Variants in MRGPRF observed in about 807,000 individuals in gnomAD.
The protein encoded by MRGPRF is mas-related G protein-coupled receptor member F.
MRGPRF carries 2 observed loss-of-function variants against 3.3 expected under a neutral mutation model. That is an observed-to-expected ratio of 0.61 (90% confidence interval 0.25 to 1.92). The LOEUF is 1.92. Ranked by LOEUF, MRGPRF falls within the 40% of genes most tolerant of loss-of-function variation. MRGPRF has a pLI of 0.16. For missense variants in MRGPRF, 500 were observed against 476.0 expected, an observed-to-expected ratio of 1.05 and a Z score of -0.47; for synonymous variants, 242 against 222.7, an observed-to-expected ratio of 1.09 and a Z score of -0.77.
intron 2 of MRGPRF, among the ~76,000 whole-genome samples, chr11:69,007,136 G>A (rs1300288271): frequency 6.6e-6 from 1 of 152,206 alleles, no homozygotes; most frequent in Non-Finnish European, 1.5e-5. Context: ...TCACTATGTG[G>A]CTACGGGAAC....
Position 69,005,030 on chromosome 11 carries a change from G to A in MRGPRF, c.*248C>T, listed in dbSNP as rs1860438623. ...GCCCCACCACCTGGGGGCAACTTCT[G>A]TACAAGAGGTCTCTAGGGGAGCAGA... On this transcript the variant is annotated 3_prime_UTR_variant, in exon 3 of 3. Transcript: ENST00000309099. The A allele has an allele frequency of 2.0e-6, 1 of 495,684 alleles. No homozygotes were observed. The highest frequency in any genetic ancestry group is 3.5e-6 in the Non-Finnish European group (1 of 289,190). The allele number at this position is 495,684 out of a possible 1,614,324, so 30.7% of individuals were successfully genotyped here.
chr11:69,009,023 C>T (rs912190206), intron 2 of MRGPRF, among the ~76,000 whole-genome samples: 13 of 152,206 alleles, frequency 8.5e-5, no homozygotes, highest in African/African-American at 2.9e-4. Flanking sequence ...CTGGGAGTTT[C>T]TGCAGACTGC....
intron 1 of MRGPRF, among the ~76,000 whole-genome samples, chr11:69,011,743 C>T (rs1352365827): frequency 1.3e-5 from 2 of 152,206 alleles, no homozygotes; most frequent in African/African-American, 4.8e-5. Flanking sequence ...GGACACCCAC[C>T]ACCCCTAGGT....
intron 1 of MRGPRF, among the ~76,000 whole-genome samples, chr11:69,011,129 C>T (rs373463854): frequency 2.8e-4 from 43 of 152,180 alleles, no homozygotes; most frequent in African/African-American, 1.0e-3. Flanking sequence ...CGGCCTCAGC[C>T]AGCCACGTGC....
chr11:69,007,899 T>C (rs1860520823), intron 2 of MRGPRF, among the ~76,000 whole-genome samples: 1 of 152,162 alleles, frequency 6.6e-6, no homozygotes, highest in South Asian at 2.1e-4. Context: ...TTCAATACTT[T>C]AACTGTTGGT....
At chr11:69,006,352 T>TGGGGGGGGA in intron 2 of MRGPRF, 91 bp from the exon 3 acceptor site, 1 of 977,638 alleles carries the variant, frequency 1.0e-6, no homozygotes, top group Non-Finnish European at 1.4e-6. Flanking sequence ...AGGGGGGGGG[T>TGGGGGGGGA]CCCAATTAGG....
chr11:69,005,252 C>T lies in MRGPRF; in HGVS notation c.*26G>A. On this transcript the variant is annotated 3_prime_UTR_variant, in exon 3 of 3. Coordinates refer to ENST00000309099, the MANE Select transcript of MRGPRF (RefSeq NM_145015.5). Reference sequence around the variant, plus strand: ...AAGGGTCTTGGAGGCCGCTTCCTGCCCCTGCCTCCTCCAGGCGCTGGAGTC... The same window carrying T: ...AAGGGTCTTGGAGGCCGCTTCCTGCTCCTGCCTCCTCCAGGCGCTGGAGTC... 6.8e-7 allele frequency: 1 copy of T among 1,461,562 alleles called. No homozygotes were observed. The allele number at this position is 1,461,562 out of a possible 1,614,324, so 90.5% of individuals were successfully genotyped here.
chr11:69,006,015 A>G lies in MRGPRF; in HGVS notation c.295T>C (p.Phe99Leu), dbSNP rs1177916345. The change falls in exon 3 of 3, where the codon TTC becomes CTC. Residue 99 changes from phenylalanine (F) to leucine (L), a missense_variant. Phe to Leu is a conservative substitution (Grantham distance 22). Coordinates refer to ENST00000309099, the MANE Select transcript of MRGPRF (RefSeq NM_145015.5). The part of the protein sequence containing the change: ...DVGYLFSKAV[F>L]SILNTGGFLG... ...AAGCCCCCCGTGTTCAGGATGGAGA[A>G]CACCGCCTTGCTGAAGAGGTAGCCC... The G allele has an allele frequency of 3.2e-6, 5 of 1,570,792 alleles. No homozygotes were observed. Among genetic ancestry groups the G allele is most frequent in the Non-Finnish European group, 4.3e-6 (5 of 1,157,676 alleles).
At chr11:69,008,748 C>T (rs1053344594) in intron 2 of MRGPRF, among the ~76,000 whole-genome samples, 5 of 152,348 alleles carry the variant, frequency 3.3e-5, no homozygotes, top group African/African-American at 9.6e-5. Flanking sequence ...GGAACTAGAC[C>T]GTAGGATCTG....
At position 69,006,137 on chromosome 11, in the gene MRGPRF, C is replaced by T; in HGVS notation, c.173G>A (p.Gly58Asp). Residue 58 changes from glycine to aspartate, a missense_variant, in exon 3 of 3, where the codon GGC (glycine) becomes GAC (aspartate). Coordinates refer to ENST00000309099, the MANE Select transcript of MRGPRF (RefSeq NM_145015.5). ...GAGGACCAGCCCGTTGCCCACCAGG[C>T]CACACAGGCAGAGGAGCAGGAAGAT... is the stretch of plus-strand genomic sequence containing the variant. ...NYIFLLLCLC[G>D]LVGNGLVLWF... is the part of the protein sequence containing the mutation. The T allele has an allele frequency of 1.2e-6, 2 of 1,614,086 alleles. No individual in the cohort carries two copies. Among genetic ancestry groups the T allele is most frequent in the Non-Finnish European group, 1.7e-6 (2 of 1,180,016 alleles).
chr11:69,009,791 G>T lies in MRGPRF; in HGVS notation c.48+63C>A, dbSNP rs755462561. 1.7e-5 allele frequency: 26 copies of T among 1,555,656 alleles called. No individual in the cohort carries two copies. The African/African-American group carries it at 3.2e-4, about 19-fold the overall frequency. On this transcript the variant is annotated intron_variant, in intron 2 of 2. Transcript: ENST00000309099. ...GGATGGGGGAGGAGATGCTGGGCTG[G>T]GTCTGCCCCTCCCACCCACACCCGT...
In MRGPRF at chr11:69,005,686, G is replaced by C. The variant is rs374174840; in HGVS notation, c.624C>G (p.Leu208=). The C allele has an allele frequency of 9.0e-6, 14 of 1,551,200 alleles. No homozygotes were observed. The highest frequency in any genetic ancestry group is 4.1e-5 in the African/African-American group (3 of 73,072). ...AGGGCAGCACCATGAGCGGGCAGCA[G>C]AGCAGGAACAGGAGGATGCCCAGGA... The part of the protein sequence containing the change: ...DIFLGILLFL[L]CCPLMVLPCL... The change falls in exon 3 of 3, where the codon CTC becomes CTG. Residue 208 remains leucine, a synonymous_variant. Transcript: ENST00000309099.
At chr11:69,011,823 C>A (rs374959455) in intron 1 of MRGPRF, among the ~76,000 whole-genome samples, 1 of 152,324 alleles carries the variant, frequency 6.6e-6, no homozygotes, top group East Asian at 1.9e-4. Flanking sequence ...CCTGGCCAGG[C>A]TAGACCCCAG....
rs1339262703 is a variant in MRGPRF at position 69,009,709 on chromosome 11, A to C, written c.48+145T>G. The C allele has an allele frequency of 3.2e-6, 3 of 942,668 alleles. 1 individual carries two copies. The South Asian group carries it at 4.1e-5, about 13-fold the overall frequency. The allele number at this position is 942,668 out of a possible 1,614,324, so 58.4% of individuals were successfully genotyped here. The stretch of plus-strand genomic sequence containing the variant: ...GAACTTGTGCCCGGCCACATAGCCC[A>C]GAGGAGCCCACTGCCCACGGTGGGT... On this transcript the variant is annotated intron_variant, in intron 2 of 2. Coordinates refer to ENST00000309099, the MANE Select transcript of MRGPRF (RefSeq NM_145015.5).
rs546297441 is a variant in MRGPRF at position 69,009,774 on chromosome 11, G to C, written c.48+80C>G. Reference sequence around the variant, plus strand: ...TGGGGCCAGGAAGGGGGGGATGGGGGAGGAGATGCTGGGCTGGGTCTGCCC... The same window carrying C: ...TGGGGCCAGGAAGGGGGGGATGGGGCAGGAGATGCTGGGCTGGGTCTGCCC... On this transcript the variant is annotated intron_variant, in intron 2 of 2. Coordinates refer to ENST00000309099, the MANE Select transcript of MRGPRF (RefSeq NM_145015.5). The C allele has an allele frequency of 2.7e-6, 4 of 1,494,600 alleles. No individual in the cohort carries two copies. The African/African-American group carries it at 5.5e-5, about 21-fold the overall frequency. The allele number at this position is 1,494,600 out of a possible 1,614,324, so 92.6% of individuals were successfully genotyped here.
chr11:69,009,960 G>A lies in MRGPRF; in HGVS notation c.-56-3C>T. The A allele has an allele frequency of 1.9e-6, 3 of 1,554,856 alleles. No individual in the cohort carries two copies. The highest frequency in any genetic ancestry group is 2.6e-6 in the Non-Finnish European group (3 of 1,152,016). On this transcript the variant is annotated splice_polypyrimidine_tract_variant and splice_region_variant and intron_variant, in intron 1 of 2. Coordinates refer to ENST00000309099, the MANE Select transcript of MRGPRF (RefSeq NM_145015.5). ...AGCTCACCAGTCTGCACACCCACCT[G>A]GCAGAAGCCCAGAGAGAGGGTGGAT...
intron 1 of MRGPRF, among the ~76,000 whole-genome samples, 198 bp from the exon 2 acceptor site, chr11:69,010,155 C>A (rs1860566564): frequency 6.6e-6 from 1 of 152,226 alleles, no homozygotes; most frequent in African/African-American, 2.4e-5. Context: ...GGGCACGGCC[C>A]CCTCCTGCCT....
At position 69,009,969 on chromosome 11, in the gene MRGPRF, C is replaced by T. The variant is rs2154012848; in HGVS notation, c.-56-12G>A. 8 of 1,539,270 alleles carry T rather than the reference C, an allele frequency of 5.2e-6. No individual in the cohort carries two copies. In the East Asian group the frequency reaches 1.8e-4, roughly 35 times the overall value. On this transcript the variant is annotated splice_polypyrimidine_tract_variant and intron_variant, in intron 1 of 2. Coordinates refer to ENST00000309099, the MANE Select transcript of MRGPRF (RefSeq NM_145015.5). ...GTCTGCACACCCACCTGGCAGAAGC[C>T]CAGAGAGAGGGTGGATGAGGACAGC...
intron 1 of MRGPRF, chr11:69,012,282 C>A (rs1860613681): frequency 6.6e-6 from 1 of 152,434 alleles, no homozygotes; most frequent in South Asian, 2.1e-4. Flanking sequence ...TCCTCCTCTC[C>A]CTTCACTCCA....
Sources: allele counts gnomAD v4.1 joint callset (sites outside exome capture counted in the v4.1 genomes callset), GRCh38; gene constraint gnomAD v4.1.1; transcripts MANE v1.5; gene names NCBI Gene and HGNC (gene_info 2026-07-23, HGNC 2026-07-21).